PIK3C2G: variants seen among roughly 807,000 people sequenced by gnomAD.
PIK3C2G encodes the protein phosphatidylinositol-4-phosphate 3-kinase catalytic subunit type 2 gamma.
Under a neutral mutation model 181.1 loss-of-function variants are expected in PIK3C2G, and 168 were observed. The observed-to-expected ratio is 0.93, with a 90% CI of 0.82 to 1.05. PIK3C2G has a LOEUF of 1.05. Among genes scored for constraint, PIK3C2G ranks in the 50% least tolerant of loss-of-function variants. The pLI is 0.00. For synonymous variants in PIK3C2G, 573 were observed against 592.2 expected (o/e 0.97, Z 0.47); for missense variants, 1,869 against 1,732.8 (o/e 1.08, Z -1.40).
chr12:18,565,741 CATAAG>C (rs1284789862), intron 28 of PIK3C2G, among the ~76,000 whole-genome samples: 13 of 152,150 alleles, frequency 8.5e-5, no homozygotes, highest in Non-Finnish European at 1.5e-4. Context: ...CTCATTTATA[CATAAG>C]ATGTTTTAGT....
chr12:18,619,086 A>T (rs1948730355), intron 31 of PIK3C2G, among the ~76,000 whole-genome samples: 1 of 150,856 alleles, frequency 6.6e-6, no homozygotes, highest in Non-Finnish European at 1.5e-5. Context: ...TAATTATATT[A>T]TATATTATTT....
chr12:18,549,658 T>A (rs910336099), intron 26 of PIK3C2G, among the ~76,000 whole-genome samples: 3 of 152,048 alleles, frequency 2.0e-5, no homozygotes, highest in African/African-American at 7.2e-5. Flanking sequence ...AGAGCCTGCG[T>A]TGGCTGAAGT....
chr12:18,282,629 C>A lies in PIK3C2G; in HGVS notation c.548C>A (p.Ser183Ter). 6.2e-7 allele frequency: 1 copy of A among 1,613,236 alleles called. No individual in the cohort carries two copies. Among genetic ancestry groups the A allele is most frequent in the Non-Finnish European group, 8.5e-7 (1 of 1,179,252 alleles). Residue 183 changes from serine to a stop codon, truncating the protein, a stop_gained, in exon 2 of 33, where the codon TCA becomes TAA. Transcript: ENST00000538779. LOFTEE classifies it high-confidence loss of function. Reference protein sequence around the residue: ...SSIPPTNSSFSSDFMPKEENK... With the variant: ...SSIPPTNSSF ...ATTCCTCCAACAAATTCATCCTTCTCAAGTGACTTCATGCCGAAAGAAGAG... is the reference window on the plus strand; with the variant it reads ...ATTCCTCCAACAAATTCATCCTTCTAAAGTGACTTCATGCCGAAAGAAGAG...
At chr12:18,290,795 G>T in intron 3 of PIK3C2G, 60 bp from the exon 4 acceptor site, 1 of 1,074,688 alleles carries the variant, frequency 9.3e-7, no homozygotes, top group Non-Finnish European at 1.4e-6. Context: ...TGGGCAATAT[G>T]TTTTAAACTG....
At chr12:18,641,464 T>G (rs7978645) in intron 32 of PIK3C2G, among the ~76,000 whole-genome samples, 3 of 151,980 alleles carry the variant, frequency 2.0e-5, no homozygotes, top group African/African-American at 7.2e-5. Flanking sequence ...ACCTCCGTTT[T>G]GCTTTTTGAG....
At chr12:18,362,982 T>C (rs1165686437) in intron 12 of PIK3C2G, 96 bp downstream of exon 12, 1 of 902,196 alleles carries the variant, frequency 1.1e-6, no homozygotes, top group African/African-American at 1.7e-5. Flanking sequence ...TTAAAAAAAA[T>C]ATGCTGCCAG....
intron 21 of PIK3C2G, among the ~76,000 whole-genome samples, chr12:18,497,343 G>T (rs1003887815): frequency 6.6e-6 from 1 of 152,100 alleles, no homozygotes; most frequent in Non-Finnish European, 1.5e-5. Flanking sequence ...ATCACACGTG[G>T]ATAATAAATT....
At chr12:18,457,238 T>C (rs1195199418) in intron 18 of PIK3C2G, among the ~76,000 whole-genome samples, 2 of 152,174 alleles carry the variant, frequency 1.3e-5, no homozygotes, top group South Asian at 2.1e-4. Context: ...AAAATTGATG[T>C]TCGCAGAGAA....
intron 4 of PIK3C2G, among the ~76,000 whole-genome samples, chr12:18,292,829 T>C (rs1183834231): frequency 1.3e-5 from 2 of 152,188 alleles, no homozygotes; most frequent in African/African-American, 4.8e-5. Context: ...ACGGTGGATT[T>C]GGAGTCTGAC....
At chr12:18,568,688 A>C (rs890434843) in intron 29 of PIK3C2G, among the ~76,000 whole-genome samples, 1 of 152,150 alleles carries the variant, frequency 6.6e-6, no homozygotes, top group African/African-American at 2.4e-5. Context: ...TCATCCAAAA[A>C]AACACTTTCA....
At chr12:18,308,623 T>A (rs1053176258) in intron 5 of PIK3C2G, among the ~76,000 whole-genome samples, 5 of 151,734 alleles carry the variant, frequency 3.3e-5, no homozygotes, top group Non-Finnish European at 7.4e-5. Context: ...AATTCATTGT[T>A]TGTTCTAGAA....
chr12:18,420,842 A>C, intron 16 of PIK3C2G, 99 bp from the exon 17 acceptor site: 1 of 678,256 alleles, frequency 1.5e-6, no homozygotes, highest in Non-Finnish European at 2.7e-6. Flanking sequence ...GTTTTACCTT[A>C]TGCACTGGGG....
At chr12:18,458,500 G>A (rs1275680667) in intron 18 of PIK3C2G, among the ~76,000 whole-genome samples, 1 of 152,052 alleles carries the variant, frequency 6.6e-6, no homozygotes, top group Non-Finnish European at 1.5e-5. Context: ...CTAAGTAGAG[G>A]TAGTGGGAAG....
chr12:18,631,479 G>A (rs961180376), intron 31 of PIK3C2G, among the ~76,000 whole-genome samples: 2 of 152,300 alleles, frequency 1.3e-5, no homozygotes, highest in Admixed American at 1.3e-4. Flanking sequence ...CTTCTGTAAT[G>A]TGGAGTTTAT....
At chr12:18,697,447 G>A in the PIK3C2G span, among the ~76,000 whole-genome samples, 1 of 152,062 alleles carries the variant, frequency 6.6e-6, no homozygotes, top group Non-Finnish European at 1.5e-5. Context: ...ATACTCTTCT[G>A]AGTCTTAATG....
intron 31 of PIK3C2G, among the ~76,000 whole-genome samples, chr12:18,635,698 A>G (rs1949567193): frequency 6.6e-6 from 1 of 152,190 alleles, no homozygotes; most frequent in South Asian, 2.1e-4. Context: ...GATCTACTGG[A>G]TCATGTAACC....
intron 5 of PIK3C2G, among the ~76,000 whole-genome samples, chr12:18,299,410 T>G (rs1354048396): frequency 6.6e-6 from 1 of 151,926 alleles, no homozygotes. Flanking sequence ...CAACTTTATT[T>G]AATTTGTTTA....
the PIK3C2G span, among the ~76,000 whole-genome samples, chr12:18,702,855 C>A: frequency 7.7e-6 from 1 of 129,792 alleles, no homozygotes; most frequent in African/African-American, 2.9e-5. Context: ...GAGTCTCACT[C>A]TGTCACCCAG....
At chr12:18,512,813 G>A (rs1467300836) in intron 24 of PIK3C2G, among the ~76,000 whole-genome samples, 1 of 151,714 alleles carries the variant, frequency 6.6e-6, no homozygotes, top group Non-Finnish European at 1.5e-5. Context: ...AACTGCTCTG[G>A]CAACTTCCAG....
Sources: gnomAD v4.1 joint callset for allele counts (sites outside exome capture counted in the v4.1 genomes callset) on GRCh38, gnomAD v4.1.1 for gene constraint, MANE v1.5 for transcripts, NCBI Gene and HGNC (gene_info 2026-07-23, HGNC 2026-07-21) for gene names.